PTPN13: variants seen among roughly 807,000 people sequenced by gnomAD.
PTPN13 encodes tyrosine-protein phosphatase non-receptor type 13.
A neutral mutation model predicts 284.0 loss-of-function variants in PTPN13; 191 were observed. The ratio of observed to expected loss-of-function variants is 0.67; its 90% CI spans 0.60 to 0.76. The LOEUF (loss-of-function observed/expected upper bound fraction) is 0.76. Ranked by LOEUF, PTPN13 falls within the 30% of genes least tolerant of loss-of-function variation. PTPN13 has a pLI of 0.00. For missense variants in PTPN13, 2,797 were observed against 2,939.9 expected, an observed-to-expected ratio of 0.95 and a Z score of 1.12; for synonymous variants, 986 against 1,022.3, an observed-to-expected ratio of 0.96 and a Z score of 0.68.
chr4:86,719,602 G>A (rs1029219583), intron 9 of PTPN13, among the ~76,000 whole-genome samples: 5 of 152,138 alleles, frequency 3.3e-5, no homozygotes, highest in Non-Finnish European at 5.9e-5. Context: ...CAGTGTGTAA[G>A]TGTTCCCTTT....
chr4:86,642,103 T>C (rs554158615), intron 2 of PTPN13, among the ~76,000 whole-genome samples: 1 of 152,284 alleles, frequency 6.6e-6, no homozygotes, highest in African/African-American at 2.4e-5. Context: ...AGTAAGTTTT[T>C]TTCTTTCTAC....
At chr4:86,756,196 C>G (rs180727402) in intron 20 of PTPN13, among the ~76,000 whole-genome samples, 1 of 152,060 alleles carries the variant, frequency 6.6e-6, no homozygotes, top group East Asian at 1.9e-4. Flanking sequence ...AATCTGTTCT[C>G]TCTTACCACC....
intron 10 of PTPN13, among the ~76,000 whole-genome samples, chr4:86,724,978 C>T (rs1360776933): frequency 6.6e-6 from 1 of 150,836 alleles, no homozygotes; most frequent in Non-Finnish European, 1.5e-5. Flanking sequence ...GCCCCCCACC[C>T]CCCAACAGAA....
intron 15 of PTPN13, among the ~76,000 whole-genome samples, chr4:86,740,911 G>T (rs1034469011): frequency 6.8e-6 from 1 of 146,428 alleles, no homozygotes; most frequent in African/African-American, 2.5e-5. Flanking sequence ...CAATCTCTTT[G>T]CAAAAAAAAA....
intron 2 of PTPN13, among the ~76,000 whole-genome samples, chr4:86,665,757 G>A (rs374636930): frequency 6.6e-6 from 1 of 152,038 alleles, no homozygotes; most frequent in Admixed American, 6.6e-5. Context: ...AGAATAGAAC[G>A]GTTTGAGAAT....
At chr4:86,738,750 G>T (rs1277599074) in intron 15 of PTPN13, among the ~76,000 whole-genome samples, 1 of 151,962 alleles carries the variant, frequency 6.6e-6, no homozygotes, top group Non-Finnish European at 1.5e-5. Flanking sequence ...GTGCGATCTT[G>T]GCTCACTGCA....
At position 86,744,061 on chromosome 4, in the gene PTPN13, A is replaced by G. The variant is rs115632358; in HGVS notation, c.2488-905A>G. On this transcript the variant is annotated intron_variant, in intron 16 of 47. Transcript: ENST00000411767. ...CCACAAAAGACATTCAGTTTTCAAG[A>G]AATTTCAGAGTGATAAAACTGATTT... is the stretch of plus-strand genomic sequence containing the variant. Among the ~76,000 whole-genome samples, 507 of 152,322 alleles carry G rather than the reference A, an allele frequency of 3.3e-3. 1 individual carries two copies. The highest frequency in any genetic ancestry group is 0.012 in the African/African-American group (489 of 41,562).
At chr4:86,653,635 T>G (rs1243335611) in intron 2 of PTPN13, among the ~76,000 whole-genome samples, 1 of 152,022 alleles carries the variant, frequency 6.6e-6, no homozygotes, top group East Asian at 1.9e-4. Flanking sequence ...TTTTCAGAAG[T>G]CCATAATATA....
intron 6 of PTPN13, among the ~76,000 whole-genome samples, chr4:86,698,613 G>A (rs1730811481): frequency 6.6e-6 from 1 of 152,164 alleles, no homozygotes; most frequent in Non-Finnish European, 1.5e-5. Flanking sequence ...AGTCTGACAG[G>A]TAGGAGGAAA....
Position 86,751,059 on chromosome 4 carries a change from C to T in PTPN13, c.3101C>T (p.Pro1034Leu), listed in dbSNP as rs763355233. 3 of 1,609,930 alleles carry T rather than the reference C, an allele frequency of 1.9e-6. No individual in the cohort carries two copies. Among genetic ancestry groups the T allele is most frequent in the Non-Finnish European group, 2.5e-6 (3 of 1,176,562 alleles). Reference sequence around the variant, plus strand: ...TCTGTTGCGAGTTTAAATAGAAGTCCTGAAAGGAGGAAACATGAATCAGAC... The same window carrying T: ...TCTGTTGCGAGTTTAAATAGAAGTCTTGAAAGGAGGAAACATGAATCAGAC... ...SKSVASLNRS[P>L]ERRKHESDSS... The change falls in exon 19 of 48, where the codon CCT (proline) becomes CTT (leucine). Residue 1034 changes from proline (P) to leucine (L), a missense_variant. Physicochemically the swap from Pro to Leu is moderately conservative, Grantham distance 98. Coordinates refer to ENST00000411767, the MANE Select transcript of PTPN13 (RefSeq NM_080683.3).
chr4:86,701,090 A>G, intron 6 of PTPN13, 151 bp from the exon 7 acceptor site: 1 of 584,774 alleles, frequency 1.7e-6, no homozygotes, highest in Non-Finnish European at 2.9e-6. Flanking sequence ...TTCCTCTTCC[A>G]CTATGACCAT....
At chr4:86,791,726 G>A (rs767902414) in intron 40 of PTPN13, among the ~76,000 whole-genome samples, 42 of 152,202 alleles carry the variant, frequency 2.8e-4, no homozygotes, top group Non-Finnish European at 5.9e-4. Context: ...AGGGTCTGGA[G>A]TGGACCTCCA....
intron 2 of PTPN13, among the ~76,000 whole-genome samples, chr4:86,666,973 C>G (rs1445438114): frequency 1.3e-5 from 2 of 152,328 alleles, no homozygotes; most frequent in East Asian, 3.9e-4. Context: ...AAGCTTCCAG[C>G]TTGCTTGTCC....
At chr4:86,717,856 TA>T (rs1284349601) in intron 9 of PTPN13, among the ~76,000 whole-genome samples, 1 of 152,188 alleles carries the variant, frequency 6.6e-6, no homozygotes, top group African/African-American at 2.4e-5. Context: ...ACCTATTATG[TA>T]AAAGGTTAAT....
At chr4:86,604,238 T>A (rs1303788296) in intron 1 of PTPN13, among the ~76,000 whole-genome samples, 18 of 152,064 alleles carry the variant, frequency 1.2e-4, no homozygotes, top group African/African-American at 2.7e-4. Context: ...CTATTTCTGA[T>A]CTGTAAAATG....
chr4:86,692,380 C>T (rs1241526469), intron 5 of PTPN13, among the ~76,000 whole-genome samples: 12 of 152,146 alleles, frequency 7.9e-5, no homozygotes, highest in Admixed American at 7.9e-4. Flanking sequence ...AAACATAATG[C>T]TTGAGCCTTG....
At chr4:86,623,542 A>G (rs1300799872) in intron 1 of PTPN13, among the ~76,000 whole-genome samples, 1 of 152,220 alleles carries the variant, frequency 6.6e-6, no homozygotes, top group Admixed American at 6.5e-5. Context: ...ATTTCCAAAT[A>G]AAGACAATAA....
chr4:86,646,226 C>T (rs1724405264), intron 2 of PTPN13, among the ~76,000 whole-genome samples: 1 of 150,736 alleles, frequency 6.6e-6, no homozygotes, highest in Non-Finnish European at 1.5e-5. Context: ...AAAACATCCA[C>T]TCTTCTAAAC....
chr4:86,608,961 G>A (rs767999209), intron 1 of PTPN13, among the ~76,000 whole-genome samples: 12 of 152,152 alleles, frequency 7.9e-5, no homozygotes, highest in Non-Finnish European at 1.8e-4. Context: ...GACTCTTTCA[G>A]TAGGGCTGGA....
Sources: gnomAD v4.1 joint callset for allele counts (sites outside exome capture counted in the v4.1 genomes callset) on GRCh38, gnomAD v4.1.1 for gene constraint, MANE v1.5 for transcripts, NCBI Gene and HGNC (gene_info 2026-07-23, HGNC 2026-07-21) for gene names.